The following RIN2 variants were observed in gnomAD, a reference collection of about 807,000 sequenced individuals.
The protein encoded by RIN2 is Ras and Rab interactor 2.
RIN2 carries 36 observed loss-of-function variants against 78.0 expected under a neutral mutation model. The ratio of observed to expected loss-of-function variants is 0.46; its 90% confidence interval spans 0.35 to 0.61. The LOEUF is 0.61. Among genes scored for constraint, RIN2 ranks in the 20% least tolerant of loss-of-function variants. The pLI is 0.00. For synonymous variants in RIN2, 466 were observed against 466.8 expected, an observed-to-expected ratio of 1.00 and a Z score of 0.02; for missense variants, 1,087 against 1,159.7, an observed-to-expected ratio of 0.94 and a Z score of 0.91.
intron 2 of RIN2, among the ~76,000 whole-genome samples, chr20:19,820,827 T>C (rs2035905122): frequency 6.6e-6 from 1 of 152,222 alleles, no homozygotes; most frequent in African/African-American, 2.4e-5. Flanking sequence ...CACCATATGC[T>C]GGTAGCCAGC....
chr20:19,971,053 C>T, intron 8 of RIN2, 124 bp downstream of exon 8: 1 of 708,416 alleles, frequency 1.4e-6, no homozygotes, highest in Non-Finnish European at 2.4e-6. Context: ...TGAGTTTGGG[C>T]TATCCAAAAT....
chr20:19,975,234 C>A lies in RIN2; in HGVS notation c.1209C>A (p.Ala403=). ...AGSPGGAPPE[A]APGDCTRAPP... ...GCCCAGGTGGGGCCCCGCCTGAGGCCGCCCCGGGGGATTGCACAAGGGCCC... is the reference window on the plus strand; with the variant it reads ...GCCCAGGTGGGGCCCCGCCTGAGGCAGCCCCGGGGGATTGCACAAGGGCCC... The change falls in exon 9 of 13, where the codon GCC becomes GCA. Residue 403 remains alanine, a synonymous_variant. Transcript: ENST00000255006. This position sits in a 1 kb window ranked among gnomAD's most constrained non-coding sequence, Gnocchi z 4.9. 6.3e-7 allele frequency: 1 copy of A among 1,583,046 alleles called. No homozygotes were observed. Among genetic ancestry groups the A allele is most frequent in the East Asian group, 2.3e-5 (1 of 43,248 alleles).
intron 3 of RIN2, among the ~76,000 whole-genome samples, chr20:19,921,376 G>A (rs929026295): frequency 2.0e-5 from 3 of 152,174 alleles, no homozygotes; most frequent in African/African-American, 7.2e-5. Context: ...CCATCCAGCT[G>A]AGGTTATAAT....
At chr20:19,893,256 C>T (rs1208542988) in intron 3 of RIN2, among the ~76,000 whole-genome samples, 1 of 152,170 alleles carries the variant, frequency 6.6e-6, no homozygotes, top group Non-Finnish European at 1.5e-5. Context: ...GATGCTACCG[C>T]AACGCACTTC....
At chr20:19,969,726 G>A (rs1188249138) in intron 7 of RIN2, among the ~76,000 whole-genome samples, 1 of 152,106 alleles carries the variant, frequency 6.6e-6, no homozygotes, top group Admixed American at 6.5e-5. Flanking sequence ...ACAAATGAAT[G>A]AATAATTATT....
chr20:19,776,800 C>T (rs993405608), intron 1 of RIN2, among the ~76,000 whole-genome samples: 8 of 151,904 alleles, frequency 5.3e-5, no homozygotes, highest in Non-Finnish European at 1.0e-4. Context: ...CCTTCCCTTC[C>T]GATTTTCCTG....
intron 4 of RIN2, among the ~76,000 whole-genome samples, chr20:19,944,742 A>T (rs1157752945): frequency 6.6e-6 from 1 of 151,902 alleles, no homozygotes; most frequent in Non-Finnish European, 1.5e-5. Flanking sequence ...ACCAGAGTCC[A>T]GGTTGAGCCT....
chr20:19,781,136 G>A (rs1169783041), intron 1 of RIN2, among the ~76,000 whole-genome samples: 1 of 152,114 alleles, frequency 6.6e-6, no homozygotes, highest in Non-Finnish European at 1.5e-5. Flanking sequence ...AGAGAAGGCT[G>A]GAGACACGTG....
At chr20:19,888,721 G>T (rs924409710) in intron 2 of RIN2, among the ~76,000 whole-genome samples, 5 of 152,260 alleles carry the variant, frequency 3.3e-5, no homozygotes, top group Admixed American at 6.5e-5. Context: ...GTAAGGAAGG[G>T]TTTGGGGTTG....
chr20:19,984,880 G>A (rs114250104), intron 9 of RIN2, among the ~76,000 whole-genome samples: 1,620 of 152,300 alleles, frequency 0.011, 25 homozygotes, highest in African/African-American at 0.037. Context: ...CTCTGGGTGT[G>A]GTTAGATTCC....
intron 1 of RIN2, among the ~76,000 whole-genome samples, chr20:19,763,403 A>T (rs2122308497): frequency 6.6e-6 from 1 of 152,190 alleles, no homozygotes; most frequent in South Asian, 2.1e-4. Context: ...AAATAAATAA[A>T]TAAATAAGAT....
At chr20:19,910,307 G>A (rs2039404919) in intron 3 of RIN2, among the ~76,000 whole-genome samples, 1 of 151,760 alleles carries the variant, frequency 6.6e-6, no homozygotes, top group Non-Finnish European at 1.5e-5. Context: ...TGAGTAGCTG[G>A]GACTACAGGC....
At chr20:19,961,887 A>G (rs2041764587) in intron 6 of RIN2, among the ~76,000 whole-genome samples, 4 of 152,352 alleles carry the variant, frequency 2.6e-5, no homozygotes, top group Admixed American at 6.5e-5. Context: ...ACCAGAAGGT[A>G]CATTGCAAAC....
intron 2 of RIN2, among the ~76,000 whole-genome samples, chr20:19,813,636 A>G (rs1370132684): frequency 6.6e-6 from 1 of 152,202 alleles, no homozygotes; most frequent in Non-Finnish European, 1.5e-5. Flanking sequence ...AAAATTCTGG[A>G]AGGATGTACT....
intron 3 of RIN2, among the ~76,000 whole-genome samples, chr20:19,910,798 C>T (rs1206092100): frequency 6.6e-6 from 1 of 151,870 alleles, no homozygotes; most frequent in African/African-American, 2.4e-5. Context: ...AAACTCTTGA[C>T]CTCAAGTGAT....
chr20:19,785,367 T>C (rs1164567015), intron 1 of RIN2, among the ~76,000 whole-genome samples: 4 of 152,196 alleles, frequency 2.6e-5, no homozygotes, highest in Middle Eastern at 3.4e-3. Context: ...AACTTTCATA[T>C]GCTAAAAAAC....
At chr20:19,847,565 C>T (rs895671563) in intron 2 of RIN2, among the ~76,000 whole-genome samples, 36 of 152,142 alleles carry the variant, frequency 2.4e-4, no homozygotes, top group Non-Finnish European at 4.4e-4. Context: ...GCACAGTAGT[C>T]CCAGAATACA....
At chr20:19,933,019 C>A (rs1302823812) in intron 3 of RIN2, among the ~76,000 whole-genome samples, 1 of 152,082 alleles carries the variant, frequency 6.6e-6, no homozygotes, top group African/African-American at 2.4e-5. Context: ...ATTTCTATGT[C>A]AAATTGTTCC....
intron 9 of RIN2, among the ~76,000 whole-genome samples, chr20:19,979,711 C>T (rs1452716251): frequency 6.6e-6 from 1 of 151,816 alleles, no homozygotes; most frequent in East Asian, 1.9e-4. Flanking sequence ...CAGTTTGGTT[C>T]AAGCCCCTGA....
Sources: allele counts gnomAD v4.1 joint callset (sites outside exome capture counted in the v4.1 genomes callset), GRCh38; gene constraint gnomAD v4.1.1; non-coding constraint Gnocchi (gnomAD v3.1); transcripts MANE v1.5; gene names NCBI Gene and HGNC (gene_info 2026-07-23, HGNC 2026-07-21).